The following ZNF432 variants were observed in gnomAD, a reference collection of about 807,000 sequenced individuals.
ZNF432 encodes zinc finger protein 432.
Under a neutral mutation model 13.9 loss-of-function variants are expected in ZNF432, and 10 were observed. The observed-to-expected ratio is 0.72, with a 90% CI of 0.44 to 1.22. The LOEUF (loss-of-function observed/expected upper bound fraction) is 1.22. Among genes scored for constraint, ZNF432 ranks in the 50% most tolerant of loss-of-function variants. The pLI is 0.00. For missense variants in ZNF432, 793 were observed against 796.2 expected, an observed-to-expected ratio of 1.00 and a Z score of 0.05; for synonymous variants, 247 against 256.2, an observed-to-expected ratio of 0.96 and a Z score of 0.34.
intron 2 of ZNF432, among the ~76,000 whole-genome samples, chr19:52,045,426 G>A (rs531667884): frequency 1.4e-5 from 2 of 139,816 alleles, no homozygotes; most frequent in African/African-American, 5.5e-5. Flanking sequence ...GCATGATCTC[G>A]GCTCACCACA....
In ZNF432 at chr19:52,034,577, T is replaced by C; in HGVS notation, c.1102A>G (p.Thr368Ala). 1.2e-6 allele frequency: 2 copies of C among 1,613,658 alleles called. No individual in the cohort carries two copies. Among genetic ancestry groups the C allele is most frequent in the Non-Finnish European group, 1.7e-6 (2 of 1,179,962 alleles). The change falls in exon 5 of 5, where the codon ACA (threonine) becomes GCA (alanine). Residue 368 changes from threonine (T) to alanine (A), a missense_variant. Coordinates refer to ENST00000221315, the MANE Select transcript of ZNF432 (RefSeq NM_014650.4). Reference sequence around the variant, plus strand: ...TTGCATATATATGGTTTCTCTCCTGTATGATTTCGTTGATGTATGATGACA... The same window carrying C: ...TTGCATATATATGGTTTCTCTCCTGCATGATTTCGTTGATGTATGATGACA... ...HYVIIHQRNH[T>A]GEKPYICNEC... is the part of the protein sequence containing the mutation.
chr19:52,035,514 C>G, intron 4 of ZNF432, 74 bp from the exon 5 acceptor site: 1 of 1,218,514 alleles, frequency 8.2e-7, no homozygotes, highest in Non-Finnish European at 1.1e-6. Flanking sequence ...AAAAAAAAAT[C>G]CTTGGTGTTT....
intron 4 of ZNF432, among the ~76,000 whole-genome samples, chr19:52,038,392 C>A (rs368703944): frequency 1.1e-3 from 163 of 152,304 alleles, no homozygotes; most frequent in African/African-American, 3.7e-3. Flanking sequence ...TGGGTTCAAG[C>A]AATTCTCCTG....
chr19:52,038,535 C>G (rs2087105817), intron 4 of ZNF432, among the ~76,000 whole-genome samples: 1 of 152,140 alleles, frequency 6.6e-6, no homozygotes, highest in South Asian at 2.1e-4. Flanking sequence ...GGTGTTCCCC[C>G]CACCTAGGCC....
Position 52,033,818 on chromosome 19 carries a change from C to G in ZNF432, c.1861G>C (p.Gly621Arg), listed in dbSNP as rs757627465. The part of the protein sequence containing the change: ...RLIVHQRTHT[G>R]EKPFVCSECR... ...TCACTGCATACAAAGGGTTTCTCTC[C>G]TGTATGAGTTCGTTGATGAACAATT... The change falls in exon 5 of 5, where the codon GGA (glycine) becomes CGA (arginine). Residue 621 changes from glycine to arginine, a missense_variant. By Grantham distance (125) the Gly-to-Arg change is moderately radical. Transcript: ENST00000221315. 5 of 1,614,080 alleles carry G rather than the reference C, an allele frequency of 3.1e-6. No individual in the cohort carries two copies. Among genetic ancestry groups the G allele is most frequent in the Non-Finnish European group, 4.2e-6 (5 of 1,180,014 alleles).
In ZNF432 at chr19:52,035,294, T is replaced by TCC. The variant is rs1220681929; in HGVS notation, c.384_385insGG (p.Thr129GlyfsTer7). On this transcript the variant is annotated frameshift_variant, in exon 5 of 5. Transcript: ENST00000221315. LOFTEE classifies it low-confidence loss of function (END_TRUNC). ...AAAGTTTTTATATATAACTCAAATG[T>TCC]ATCATGATTTTCCCTGAAAAGACAA... is the stretch of plus-strand genomic sequence containing the variant. The TCC allele has an allele frequency of 1.2e-6, 2 of 1,610,728 alleles. No homozygotes were observed. The highest frequency in any genetic ancestry group is 3.4e-5 in the Admixed American group (2 of 59,284).
chr19:52,045,815 C>T (rs1466780217), intron 2 of ZNF432, among the ~76,000 whole-genome samples: 1 of 150,456 alleles, frequency 6.6e-6, no homozygotes, highest in Non-Finnish European at 1.5e-5. Flanking sequence ...GCCAAGATGG[C>T]AAAACCCCAT....
intron 4 of ZNF432, among the ~76,000 whole-genome samples, chr19:52,040,077 A>T (rs2087120169): frequency 6.6e-6 from 1 of 152,190 alleles, no homozygotes; most frequent in Non-Finnish European, 1.5e-5. Context: ...GGAAAAACAC[A>T]TTAGGGAAAT....
Position 52,035,091 on chromosome 19 carries a change from C to T in ZNF432, c.588G>A (p.Gln196=), listed in dbSNP as rs1454515150. 6.2e-7 allele frequency: 1 copy of T among 1,613,910 alleles called. No homozygotes were observed. The highest frequency in any genetic ancestry group is 8.5e-7 in the Non-Finnish European group (1 of 1,180,038). ...NSTKSQVSKH[Q]RTHEIEKNHV... ...GGTTTTTTTCTATTTCATGAGTTCT[C>T]TGATGCTTACTGACTTGGGATTTAG... is the stretch of plus-strand genomic sequence containing the variant. The change falls in exon 5 of 5, where the codon CAG becomes CAA. Residue 196 remains glutamine, a synonymous_variant. Transcript: ENST00000221315.
rs2087037006 is a variant in ZNF432 at position 52,033,622 on chromosome 19, C to A, written c.*98G>T. 1 of 1,341,022 alleles carries A rather than the reference C, an allele frequency of 7.5e-7. No individual in the cohort carries two copies. Among genetic ancestry groups the A allele is most frequent in the Non-Finnish European group, 1.0e-6 (1 of 990,752 alleles). The allele number at this position is 1,341,022 out of a possible 1,614,324, so 83.1% of individuals were successfully genotyped here. On this transcript the variant is annotated 3_prime_UTR_variant, in exon 5 of 5. Coordinates refer to ENST00000221315, the MANE Select transcript of ZNF432 (RefSeq NM_014650.4). ...CACTGGATTTTGAAATATGATTTTT[C>A]ATACTCAGTACACATGTAGAAAATC...
intron 1 of ZNF432, among the ~76,000 whole-genome samples, chr19:52,048,172 C>G (rs1030589257): frequency 3.4e-5 from 5 of 146,192 alleles, no homozygotes; most frequent in African/African-American, 8.0e-5. Context: ...CACACACACA[C>G]ACACACACAC....
intron 1 of ZNF432, among the ~76,000 whole-genome samples, chr19:52,047,557 A>C (rs2087197262): frequency 6.6e-6 from 1 of 152,138 alleles, no homozygotes; most frequent in African/African-American, 2.4e-5. Flanking sequence ...AGGCACCTGT[A>C]ATCCCAGCTA....
chr19:52,033,454 G>A lies in ZNF432; in HGVS notation c.*266C>T. The A allele has an allele frequency of 2.5e-6, 1 of 403,034 alleles. No homozygotes were observed. The highest frequency in any genetic ancestry group is 4.7e-5 in the South Asian group (1 of 21,420). The allele number at this position is 403,034 out of a possible 1,614,324, so 25.0% of individuals were successfully genotyped here. ...TGGACGTTGTCATAGTTTTAATGAA[G>A]GTTGACAAATGAAAGGTTACCCCCA... On this transcript the variant is annotated 3_prime_UTR_variant, in exon 5 of 5. Coordinates refer to ENST00000221315, the MANE Select transcript of ZNF432 (RefSeq NM_014650.4).
chr19:52,035,491 A>G (rs547940070), intron 4 of ZNF432, 51 bp from the exon 5 acceptor site: 1 of 1,386,656 alleles, frequency 7.2e-7, no homozygotes, highest in Non-Finnish European at 9.6e-7. Context: ...TGGGGATAAA[A>G]CTGTCTTCTT....
In ZNF432 at chr19:52,033,949, C is replaced by T. The variant is rs73053910; in HGVS notation, c.1730G>A (p.Gly577Asp). The change falls in exon 5 of 5, where the codon GGC becomes GAC. Residue 577 changes from glycine to aspartate, a missense_variant. Physicochemically the swap from Gly to Asp is moderately conservative, Grantham distance 94 (BLOSUM62 -1). Transcript: ENST00000221315. ...KSCICSECGRGFAKETELALH... is the reference protein window; with the variant it reads ...KSCICSECGRDFAKETELALH... ...AGCAAGCTCTGTTTCCTTGGCAAAG[C>T]CTCTTCCACATTCACTACATATACA... 7,927 of 1,613,894 alleles carry T rather than the reference C, an allele frequency of 4.9e-3. 25 individuals are homozygous for T. The highest frequency in any genetic ancestry group is 7.5e-3 in the South Asian group (680 of 91,042).
rs2087040743 is a variant in ZNF432, at chr19:52,033,890, A to C, written c.1789T>G (p.Tyr597Asp). 1.2e-6 allele frequency: 2 copies of C among 1,613,920 alleles called. No homozygotes were observed. Among genetic ancestry groups the C allele is most frequent in the South Asian group, 1.1e-5 (1 of 91,060 alleles). ...HKQVHTGEKPYGCNECGKGFT... is the reference protein window; with the variant it reads ...HKQVHTGEKPDGCNECGKGFT... ...CCTTTACCACATTCATTACATCCAT[A>C]AGGTTTTTCTCCAGTATGAACTTGC... The change falls in exon 5 of 5, where the codon TAT (tyrosine) becomes GAT (aspartate). Residue 597 changes from tyrosine to aspartate, a missense_variant. Transcript: ENST00000221315.
intron 2 of ZNF432, among the ~76,000 whole-genome samples, chr19:52,042,909 T>C (rs1277653619): frequency 6.6e-6 from 1 of 152,192 alleles, no homozygotes; most frequent in Admixed American, 6.5e-5. Context: ...TCCTAACAAC[T>C]GACTTCCACA....
intron 2 of ZNF432, among the ~76,000 whole-genome samples, chr19:52,042,400 T>G (rs2087145070): frequency 6.6e-6 from 1 of 151,760 alleles, no homozygotes; most frequent in Non-Finnish European, 1.5e-5. Flanking sequence ...AAGACAAAAA[T>G]TAACCAGGTG....
chr19:52,033,780 G>T lies in ZNF432; in HGVS notation c.1899C>A (p.Ala633=), dbSNP rs748526883. Residue 633 remains alanine (A), a synonymous_variant, in exon 5 of 5, where the codon GCC becomes GCA. Coordinates refer to ENST00000221315, the MANE Select transcript of ZNF432 (RefSeq NM_014650.4). ...CAATGAGATTTCTCTTTGAGGAGAA[G>T]GCTTTTCTACATTCACTGCATACAA... ...KPFVCSECRK[A]FSSKRNLIVH... is the part of the protein sequence containing the mutation. 2.5e-6 allele frequency: 4 copies of T among 1,607,944 alleles called. No individual in the cohort carries two copies. The East Asian group carries it at 8.9e-5, about 36-fold the overall frequency.
Sources: gnomAD v4.1 joint callset for allele counts (sites outside exome capture counted in the v4.1 genomes callset) on GRCh38, gnomAD v4.1.1 for gene constraint, MANE v1.5 for transcripts, NCBI Gene and HGNC (gene_info 2026-07-23, HGNC 2026-07-21) for gene names.